ARFGAP3: variants seen among roughly 807,000 people sequenced by gnomAD.
ARFGAP3 encodes the protein ADP-ribosylation factor GTPase-activating protein 3.
A neutral mutation model predicts 75.0 loss-of-function variants in ARFGAP3; 72 were observed. The ratio of observed to expected loss-of-function variants is 0.96; its 90% CI spans 0.79 to 1.17. ARFGAP3 has a LOEUF of 1.17. Among genes scored for constraint, ARFGAP3 ranks in the 50% most tolerant of loss-of-function variants. The pLI is 0.00. For synonymous variants in ARFGAP3, 221 were observed against 217.9 expected (o/e 1.01, Z -0.13); for missense variants, 620 against 626.6 (o/e 0.99, Z 0.11).
At position 42,810,842 on chromosome 22, in the gene ARFGAP3, T is replaced by C. The variant is rs376002896; in HGVS notation, c.1167A>G (p.Thr389=). 4.6e-5 allele frequency: 74 copies of C among 1,614,240 alleles called. No individual in the cohort carries two copies. Among genetic ancestry groups the C allele is most frequent in the Non-Finnish European group, 5.6e-5 (66 of 1,180,038 alleles). The change falls in exon 12 of 16, where the codon ACA becomes ACG. Residue 389 remains threonine (T), a synonymous_variant. Coordinates refer to ENST00000263245, the MANE Select transcript of ARFGAP3 (RefSeq NM_014570.5). ...WKKETSKDTE[T]VLKTTGYSDR... is the part of the protein sequence containing the mutation. ...CTGAATAGCCTGTGGTTTTCAGAAC[T>C]GTTTCAGTATCTTTGCTGGTCTCTT...
At chr22:42,824,145 C>T (rs1206122916) in intron 7 of ARFGAP3, among the ~76,000 whole-genome samples, 1 of 147,366 alleles carries the variant, frequency 6.8e-6, no homozygotes, top group African/African-American at 2.5e-5. Flanking sequence ...GTTGGGATCA[C>T]AGGTGCGCAC....
intron 6 of ARFGAP3, among the ~76,000 whole-genome samples, chr22:42,829,145 C>T (rs1341598042): frequency 1.3e-5 from 2 of 152,146 alleles, no homozygotes; most frequent in Non-Finnish European, 1.5e-5. Flanking sequence ...CAATCAATGG[C>T]TCAGGTAGAT....
At chr22:42,807,225 G>T in intron 13 of ARFGAP3, 62 bp from the exon 14 acceptor site, 2 of 1,536,566 alleles carry the variant, frequency 1.3e-6, no homozygotes, top group South Asian at 1.2e-5. Flanking sequence ...TTTGCAAAAA[G>T]AATCACTGAA....
At chr22:42,802,829 C>T (rs987627195) in intron 14 of ARFGAP3, among the ~76,000 whole-genome samples, 13 of 149,138 alleles carry the variant, frequency 8.7e-5, no homozygotes, top group Non-Finnish European at 1.3e-4. Context: ...TCTCGATCTC[C>T]TGACCCGTGA....
intron 7 of ARFGAP3, chr22:42,823,935 A>T (rs981655300): frequency 1.1e-4 from 21 of 182,942 alleles, no homozygotes; most frequent in Non-Finnish European, 1.9e-4. Flanking sequence ...GAGAAAATGT[A>T]TTTTTTTTTT....
At chr22:42,825,134 T>C (rs1185928903) in intron 7 of ARFGAP3, among the ~76,000 whole-genome samples, 1 of 152,170 alleles carries the variant, frequency 6.6e-6, no homozygotes, top group East Asian at 1.9e-4. Flanking sequence ...TGTGATGGCG[T>C]GCGCCTGTGG....
chr22:42,848,217 ATTTATT>A (rs113549631), intron 1 of ARFGAP3, among the ~76,000 whole-genome samples: 3 of 148,472 alleles, frequency 2.0e-5, no homozygotes, highest in African/African-American at 7.5e-5. Flanking sequence ...ATATTTATCT[ATTTATT>A]TTTGAGACGG....
chr22:42,806,632 A>AT (rs1925135581), intron 14 of ARFGAP3, among the ~76,000 whole-genome samples: 1 of 152,206 alleles, frequency 6.6e-6, no homozygotes, highest in Non-Finnish European at 1.5e-5. Flanking sequence ...TTTAAGCCGC[A>AT]TGACAACCTT....
At chr22:42,843,019 C>T (rs1248780206) in intron 2 of ARFGAP3, among the ~76,000 whole-genome samples, 2 of 151,980 alleles carry the variant, frequency 1.3e-5, no homozygotes, top group African/African-American at 4.8e-5. Flanking sequence ...AGAAGGAAAG[C>T]AAGACATTCA....
Position 42,807,412 on chromosome 22 carries a change from C to T in ARFGAP3, c.1321-249G>A, listed in dbSNP as rs75604892. The T allele has an allele frequency of 6.5e-3, 1,648 of 252,252 alleles. 27 individuals carry two copies. The highest frequency in any genetic ancestry group is 0.035 in the African/African-American group (1,534 of 43,218). 15.6% of individuals were successfully genotyped at this position (252,252 alleles called of 1,614,324 possible). A position where few individuals can be genotyped will look rare whatever the true frequency, so the allele number is the denominator to read the frequency against. Reference sequence around the variant, plus strand: ...CAGCCACGATGGCCAGTGCGGAGGCCGTCGGAGTGAGGGAGGGAGAGCGGC... The same window carrying T: ...CAGCCACGATGGCCAGTGCGGAGGCTGTCGGAGTGAGGGAGGGAGAGCGGC... On this transcript the variant is annotated intron_variant, in intron 13 of 15. Transcript: ENST00000263245.
At chr22:42,855,452 G>A (rs944776939) in intron 1 of ARFGAP3, among the ~76,000 whole-genome samples, 2 of 152,058 alleles carry the variant, frequency 1.3e-5, no homozygotes, top group African/African-American at 4.8e-5. Flanking sequence ...TCAGGAGGCC[G>A]AGGCGGGTGG....
At chr22:42,837,843 G>C (rs1417788401) in intron 3 of ARFGAP3, among the ~76,000 whole-genome samples, 3 of 151,192 alleles carry the variant, frequency 2.0e-5, no homozygotes, top group Non-Finnish European at 4.4e-5. Context: ...ACTATGCCTG[G>C]CTAATTTAAA....
At chr22:42,848,149 C>A (rs1357624266) in intron 1 of ARFGAP3, among the ~76,000 whole-genome samples, 1 of 152,012 alleles carries the variant, frequency 6.6e-6, no homozygotes. Flanking sequence ...CAGGCACGAG[C>A]CACTGTGCCC....
Position 42,857,238 on chromosome 22 carries a change from A to G in ARFGAP3, c.-56T>C. The G allele has an allele frequency of 2.0e-6, 3 of 1,488,596 alleles. No individual in the cohort carries two copies. The highest frequency in any genetic ancestry group is 2.7e-6 in the Non-Finnish European group (3 of 1,114,744). 92.2% of individuals were successfully genotyped at this position (1,488,596 alleles called of 1,614,324 possible). ...CAGCCAACCGGTAAGAGTCGACGAA[A>G]AGCGGCTACCGCCTCAGCAGGAGCG... On this transcript the variant is annotated 5_prime_UTR_variant, in exon 1 of 16. Transcript: ENST00000263245.
rs1296312736 is a variant in ARFGAP3 at position 42,807,160 on chromosome 22, C to T, written c.1324G>A (p.Glu442Lys). The change falls in exon 14 of 16, where the codon GAG (glutamate) becomes AAG (lysine). Residue 442 changes from glutamate to lysine, a missense_variant. Coordinates refer to ENST00000263245, the MANE Select transcript of ARFGAP3 (RefSeq NM_014570.5). ...YFGRQSQADY[E>K]TRARLERLSA... ...AGCCTCTCTAGGCGGGCCCTGGTCTCATACTAGAGAAGACAAGGAAAAGGA... is the reference window on the plus strand; with the variant it reads ...AGCCTCTCTAGGCGGGCCCTGGTCTTATACTAGAGAAGACAAGGAAAAGGA... 10 of 1,609,640 alleles carry T rather than the reference C, an allele frequency of 6.2e-6. No individual in the cohort carries two copies. Among genetic ancestry groups the T allele is most frequent in the Non-Finnish European group, 8.5e-6 (10 of 1,178,102 alleles).
chr22:42,851,923 T>C (rs1382874971), intron 1 of ARFGAP3, among the ~76,000 whole-genome samples: 1 of 152,200 alleles, frequency 6.6e-6, no homozygotes, highest in African/African-American at 2.4e-5. Context: ...CTTTCATTAG[T>C]AGGGTACTAG....
In ARFGAP3 at chr22:42,840,935, T is replaced by C. The variant is rs1250749439; in HGVS notation, c.261+9A>G. 3 of 1,613,418 alleles carry C rather than the reference T, an allele frequency of 1.9e-6. No individual in the cohort carries two copies. Among genetic ancestry groups the C allele is most frequent in the Non-Finnish European group, 2.5e-6 (3 of 1,179,678 alleles). Reference sequence around the variant, plus strand: ...AAGAAGGAAAATGACGAGTTTGAGATGAACTTACTGCACTAGCGTTTCCTC... The same window carrying C: ...AAGAAGGAAAATGACGAGTTTGAGACGAACTTACTGCACTAGCGTTTCCTC... On this transcript the variant is annotated intron_variant, in intron 3 of 15. Coordinates refer to ENST00000263245, the MANE Select transcript of ARFGAP3 (RefSeq NM_014570.5).
intron 6 of ARFGAP3, among the ~76,000 whole-genome samples, chr22:42,830,849 C>A (rs953632796): frequency 1.3e-5 from 2 of 152,142 alleles, no homozygotes; most frequent in Admixed American, 6.5e-5. Flanking sequence ...AACTAAAAAT[C>A]CTCAGTAATT....
intron 5 of ARFGAP3, among the ~76,000 whole-genome samples, chr22:42,832,725 C>A (rs1926350734): frequency 6.6e-6 from 1 of 151,700 alleles, no homozygotes. Flanking sequence ...GTGGCTCATG[C>A]CTATAATCCC....
Sources: allele counts gnomAD v4.1 joint callset (sites outside exome capture counted in the v4.1 genomes callset), GRCh38; gene constraint gnomAD v4.1.1; transcripts MANE v1.5; gene names NCBI Gene and HGNC (gene_info 2026-07-23, HGNC 2026-07-21).